The following SAMD3 variants were observed in gnomAD, a reference collection of about 807,000 sequenced individuals.
The protein encoded by SAMD3 is sterile alpha motif domain containing 3, also known as sterile alpha motif domain-containing protein 3.
In SAMD3, 63 loss-of-function variants were observed where a neutral mutation model predicts 58.5. The ratio of observed to expected loss-of-function variants is 1.08; its 90% CI spans 0.88 to 1.33. SAMD3 has a LOEUF of 1.33. Among genes scored for constraint, SAMD3 ranks in the 40% most tolerant of loss-of-function variants. The pLI is 0.00. For missense variants in SAMD3, 604 were observed against 608.4 expected, an observed-to-expected ratio of 0.99 and a Z score of 0.08; for synonymous variants, 220 against 210.3, an observed-to-expected ratio of 1.05 and a Z score of -0.40.
At position 130,253,748 on chromosome 6, in the gene SAMD3, AT is replaced by A. The variant is rs141419532; in HGVS notation, c.-187-30936del. On this transcript the variant is annotated intron_variant, in intron 2 of 13. Coordinates refer to the SAMD3 transcript ENST00000368134. ...TCCTTGCCACCAAATTAAAATTATT[AT>A]TTTTTTTTGGTGGAGGGGGGTATAT... Among the ~76,000 whole-genome samples the A allele has an allele frequency of 4.6e-4, 69 of 150,626 alleles. 1 individual carries two copies. In the East Asian group the frequency reaches 0.013, roughly 28 times the overall value.
intron 1 of SAMD3, among the ~76,000 whole-genome samples, chr6:130,331,477 C>T (rs1179036789): frequency 2.6e-5 from 4 of 152,120 alleles, no homozygotes; most frequent in Admixed American, 6.6e-5. Context: ...AATCCCAGCA[C>T]TTTGGGAGGC....
chr6:130,261,953 G>C (rs1428067147), intron 2 of SAMD3, among the ~76,000 whole-genome samples: 2 of 151,848 alleles, frequency 1.3e-5, no homozygotes, highest in African/African-American at 4.8e-5. Flanking sequence ...GACAGAGAGA[G>C]AGACAGAGAG....
intron 2 of SAMD3, chr6:130,215,568 C>G: frequency 7.4e-7 from 1 of 1,343,052 alleles, no homozygotes; most frequent in Non-Finnish European, 9.5e-7. Context: ...CATCTCTAAG[C>G]TTTACTAACA....
chr6:130,282,079 A>T (rs2089998), intron 2 of SAMD3, among the ~76,000 whole-genome samples: 1 of 152,086 alleles, frequency 6.6e-6, no homozygotes, highest in Non-Finnish European at 1.5e-5. Context: ...GGAAAGTCTT[A>T]CCTGGCTGAG....
In SAMD3 at chr6:130,232,050, T is replaced by C. The variant is rs201576731; in HGVS notation, c.-187-9237A>G. Among the ~76,000 whole-genome samples, 20 of 152,296 alleles carry C rather than the reference T, an allele frequency of 1.3e-4. No homozygotes were observed. In the East Asian group the frequency reaches 3.9e-3, roughly 29 times the overall value. ...TAATTTAAATTCAAATGGCCACATGTGGCTACTGTAGTAGACATTACAGAT... is the reference window on the plus strand; with the variant it reads ...TAATTTAAATTCAAATGGCCACATGCGGCTACTGTAGTAGACATTACAGAT... On this transcript the variant is annotated intron_variant, in intron 2 of 13. Coordinates refer to the SAMD3 transcript ENST00000368134.
At chr6:130,224,387 G>A (rs1039463171), upstream of SAMD3, among the ~76,000 whole-genome samples, 1 of 151,732 alleles carries the variant, frequency 6.6e-6, no homozygotes, top group Non-Finnish European at 1.5e-5. Context: ...CCCTAGCCAG[G>A]GACCCCATTC....
rs142677475 is a variant in SAMD3 at position 130,159,798 on chromosome 6, TG to T, written c.823-4774del. 1.9e-3 allele frequency: 292 copies of T among 151,868 alleles called. 2 individuals are homozygous for T. Among genetic ancestry groups the T allele is most frequent in the African/African-American group, 6.9e-3 (287 of 41,416 alleles). 9.4% of individuals were successfully genotyped at this position (151,868 alleles called of 1,614,324 possible). ...ATACAAAGGATTTTTACAAGTAAAT[TG>T]AAAAAAAGGCAGCCTCATAGAAAAA... On this transcript the variant is annotated intron_variant, in intron 8 of 11. Coordinates refer to ENST00000439090, the MANE Select transcript of SAMD3 (RefSeq NM_001017373.4).
chr6:130,184,229 A>T, intron 6 of SAMD3, 42 bp from the exon 7 acceptor site: 1 of 1,485,850 alleles, frequency 6.7e-7, no homozygotes, highest in South Asian at 1.2e-5. Flanking sequence ...CTTCAAGCAA[A>T]CCACATTCCT....
rs144012991 is a variant in SAMD3 at position 130,148,207 on chromosome 6, G to A, written c.1024-2026C>T. 5.4e-3 allele frequency among the ~76,000 whole-genome samples: 821 copies of A among 152,268 alleles called. 10 individuals are homozygous for A. The highest frequency in any genetic ancestry group is 0.018 in the African/African-American group (750 of 41,564). ...AATTCCTTTCTTTCTACATGGATTA[G>A]TTGGCTTTCTATTTTAAGATAGTTT... On this transcript the variant is annotated intron_variant, in intron 9 of 11. Coordinates refer to ENST00000439090, the MANE Select transcript of SAMD3 (RefSeq NM_001017373.4).
chr6:130,144,503 C>T lies in SAMD3; in HGVS notation c.*17G>A. On this transcript the variant is annotated 3_prime_UTR_variant, in exon 12 of 12. Coordinates refer to ENST00000439090, the MANE Select transcript of SAMD3 (RefSeq NM_001017373.4). The stretch of plus-strand genomic sequence containing the variant: ...GTTTTCCCAGAGGTAAATTCCAGTA[C>T]AATATTTGGCATGCTATTAAGTGAG... The T allele has an allele frequency of 6.2e-7, 1 of 1,607,052 alleles. No individual in the cohort carries two copies.
At chr6:130,232,391 A>T (rs1335848302) in intron 2 of SAMD3, among the ~76,000 whole-genome samples, 3 of 151,908 alleles carry the variant, frequency 2.0e-5, no homozygotes, top group Non-Finnish European at 4.4e-5. Flanking sequence ...TAATTAATGC[A>T]CTCTTTACAG....
chr6:130,183,278 A>T (rs1175621270), intron 7 of SAMD3: 1 of 426,644 alleles, frequency 2.3e-6, no homozygotes. Flanking sequence ...CGGAGGTTGC[A>T]GTGAGCTGAG....
At chr6:130,220,423 G>C (rs1341901415) in intron 1 of SAMD3, among the ~76,000 whole-genome samples, 3 of 152,212 alleles carry the variant, frequency 2.0e-5, no homozygotes, top group Non-Finnish European at 4.4e-5. Context: ...AAACACCCTA[G>C]TGTTTTGGCC....
intron 2 of SAMD3, among the ~76,000 whole-genome samples, chr6:130,232,522 T>C (rs1411470558): frequency 6.6e-6 from 1 of 152,208 alleles, no homozygotes; most frequent in African/African-American, 2.4e-5. Flanking sequence ...TCCAAAAATA[T>C]ATCTACCTGT....
intron 8 of SAMD3, among the ~76,000 whole-genome samples, chr6:130,167,155 A>G (rs1179469026): frequency 6.6e-6 from 1 of 152,198 alleles, no homozygotes; most frequent in African/African-American, 2.4e-5. Flanking sequence ...TGAATCTTTA[A>G]AAGAGTGTCA....
In SAMD3 at chr6:130,305,293, A is replaced by C. The variant is rs183606520; in HGVS notation, c.-188+7685T>G. ...TTTCTAGCAACACTGCTAAACTCTT[A>C]TATATCCTAATATTTTTCTATATAT... On this transcript the variant is annotated intron_variant, in intron 2 of 13. Transcript: ENST00000368134. Among the ~76,000 whole-genome samples, 503 of 152,268 alleles carry C rather than the reference A, an allele frequency of 3.3e-3. 2 individuals carry two copies. The highest frequency in any genetic ancestry group is 4.0e-3 in the Non-Finnish European group (271 of 68,006).
intron 2 of SAMD3, among the ~76,000 whole-genome samples, chr6:130,274,651 T>C (rs1338458117): frequency 6.6e-6 from 1 of 152,114 alleles, no homozygotes; most frequent in African/African-American, 2.4e-5. Context: ...TGTTTCTCTT[T>C]CCCATTTTGA....
intron 7 of SAMD3, among the ~76,000 whole-genome samples, chr6:130,180,927 CT>C (rs1792248769): frequency 7.6e-6 from 1 of 131,940 alleles, no homozygotes; most frequent in Non-Finnish European, 1.6e-5. Context: ...TGAAACTTTT[CT>C]TTTCTTTTTT....
intron 2 of SAMD3, among the ~76,000 whole-genome samples, chr6:130,300,341 A>C (rs932282299): frequency 5.3e-5 from 8 of 152,214 alleles, no homozygotes; most frequent in African/African-American, 1.9e-4. Flanking sequence ...ACATAAACAA[A>C]ATTAAAAACC....
Sources: allele counts gnomAD v4.1 joint callset (sites outside exome capture counted in the v4.1 genomes callset), GRCh38; gene constraint gnomAD v4.1.1; transcripts MANE v1.5; gene names NCBI Gene and HGNC (gene_info 2026-07-23, HGNC 2026-07-21).